The following CFAP47 variants were observed in gnomAD, a reference collection of about 807,000 sequenced individuals.
The protein encoded by CFAP47 is cilia and flagella associated protein 47.
A neutral mutation model predicts 148.1 loss-of-function variants in CFAP47; 29 were observed. The ratio of observed to expected loss-of-function variants is 0.20; its 90% CI spans 0.15 to 0.27. The LOEUF (loss-of-function observed/expected upper bound fraction) is 0.27. Among genes scored for constraint, CFAP47 ranks in the 10% least tolerant of loss-of-function variants. The probability of loss-of-function intolerance (pLI) is 1.00; values close to 1 mark genes in which losing one functional copy is unlikely to be tolerated. For synonymous variants in CFAP47, 664 were observed against 577.3 expected, an observed-to-expected ratio of 1.15 and a Z score of -2.15; for missense variants, 1,872 against 1,697.5, an observed-to-expected ratio of 1.10 and a Z score of -1.81.
intron 3 of CFAP47, 140 bp downstream of exon 3, chrX:35,941,538 T>C: frequency 2.8e-6 from 1 of 351,605 alleles, no homozygotes; most frequent in Non-Finnish European, 4.9e-6. Context: ...AGGTCCTTAA[T>C]AGTATTACTG....
At chrX:36,186,004 G>T (rs183264883) in intron 40 of CFAP47, among the ~76,000 whole-genome samples, 2 of 111,272 alleles carry the variant, frequency 1.8e-5, no homozygotes, top group African/African-American at 3.3e-5. Context: ...GCAGTCCATG[G>T]CACAAAGGAA....
chrX:36,303,290 G>A (rs1408538493), intron 53 of CFAP47, among the ~76,000 whole-genome samples: 1 of 111,556 alleles, frequency 9.0e-6, no homozygotes, highest in Non-Finnish European at 1.9e-5. Context: ...GGGCTAGAGC[G>A]ATCCTCCTGC....
chrX:35,930,326 A>T (rs1275800070), intron 2 of CFAP47, among the ~76,000 whole-genome samples: 1 of 110,946 alleles, frequency 9.0e-6, no homozygotes, highest in Non-Finnish European at 1.9e-5. Flanking sequence ...ATATCCTGGA[A>T]TTTGATTTGC....
At chrX:36,274,176 T>C (rs183249994) in intron 49 of CFAP47, among the ~76,000 whole-genome samples, 31 of 112,000 alleles carry the variant, frequency 2.8e-4, no homozygotes, top group African/African-American at 1.0e-3. Flanking sequence ...TAAGGGATAA[T>C]AAAACATAAT....
At chrX:35,930,026 A>C (rs865980470) in intron 2 of CFAP47, among the ~76,000 whole-genome samples, 6 of 110,981 alleles carry the variant, frequency 5.4e-5, no homozygotes, top group African/African-American at 6.6e-5. Context: ...AACAAACAAA[A>C]AAAAACAGTG....
rs1201341281 is a variant in CFAP47 at position 35,951,864 on chromosome X, T to C, written c.947T>C (p.Ile316Thr). ...ALNNLTYIRKIKNIDTTIIIS... is the reference protein window; with the variant it reads ...ALNNLTYIRKTKNIDTTIIIS... The stretch of plus-strand genomic sequence containing the variant: ...AATAATCTCACCTACATAAGAAAAA[T>C]AAAGAACATAGATACTACTATCATT... Residue 316 changes from isoleucine (I) to threonine (T), a missense_variant, in exon 6 of 64, where the codon ATA becomes ACA. Coordinates refer to ENST00000378653, the MANE Select transcript of CFAP47 (RefSeq NM_001304548.2). 8.6e-7 allele frequency: 1 copy of C among 1,168,505 alleles called. No homozygotes were observed. The highest frequency in any genetic ancestry group is 3.2e-5 in the East Asian group (1 of 31,532).
intron 49 of CFAP47, among the ~76,000 whole-genome samples, chrX:36,271,908 A>T (rs782365384): frequency 7.1e-4 from 80 of 112,021 alleles, no homozygotes; most frequent in African/African-American, 2.5e-3. Context: ...AATGTACAAG[A>T]TTATGTTGAA....
In CFAP47 at chrX:36,006,110, C is replaced by A. The variant is rs192234732; in HGVS notation, c.3417+4403C>A. On this transcript the variant is annotated intron_variant, in intron 21 of 63. Transcript: ENST00000378653. ...ATCATTGAAAATTAGAAAAATCTATCATGCAATTTAAGTATCTTACATGAC... is the reference window on the plus strand; with the variant it reads ...ATCATTGAAAATTAGAAAAATCTATAATGCAATTTAAGTATCTTACATGAC... Among the ~76,000 whole-genome samples, 602 of 110,445 alleles carry A rather than the reference C, an allele frequency of 5.5e-3. 6 individuals are homozygous for A. Among genetic ancestry groups the A allele is most frequent in the African/African-American group, 0.019 (580 of 30,552 alleles).
intron 49 of CFAP47, among the ~76,000 whole-genome samples, chrX:36,266,319 G>T (rs1239952044): frequency 9.0e-6 from 1 of 110,763 alleles, no homozygotes; most frequent in Non-Finnish European, 1.9e-5. Context: ...GGGTGGCAGG[G>T]GTGCCACAGG....
intron 40 of CFAP47, among the ~76,000 whole-genome samples, chrX:36,183,513 A>G (rs1452431235): frequency 7.2e-5 from 8 of 111,749 alleles, no homozygotes. Flanking sequence ...CACATCAGCT[A>G]ATATCTCTCC....
intron 2 of CFAP47, among the ~76,000 whole-genome samples, chrX:35,928,419 C>A (rs1820027906): frequency 8.9e-6 from 1 of 111,758 alleles, no homozygotes; most frequent in African/African-American, 3.2e-5. Context: ...ATGTTGACAA[C>A]ATATTTTCAG....
At chrX:36,361,921 C>T (rs7877183) in intron 61 of CFAP47, among the ~76,000 whole-genome samples, 13,406 of 111,780 alleles carry the variant, frequency 0.12, 1,153 homozygotes, top group African/African-American at 0.3. Context: ...TTTTACTACT[C>T]AATACATAAC....
At chrX:35,964,450 T>C (rs2146656965) in intron 8 of CFAP47, among the ~76,000 whole-genome samples, 1 of 111,517 alleles carries the variant, frequency 9.0e-6, no homozygotes, top group East Asian at 2.8e-4. Context: ...TCTATTTGAT[T>C]TACCCTGCTT....
intron 48 of CFAP47, among the ~76,000 whole-genome samples, chrX:36,237,227 C>T (rs1211619928): frequency 8.9e-6 from 1 of 112,437 alleles, no homozygotes; most frequent in African/African-American, 3.2e-5. Flanking sequence ...AACAAAATTT[C>T]AGAAGTGTAG....
At chrX:36,046,533 T>C (rs1192880376) in intron 25 of CFAP47, among the ~76,000 whole-genome samples, 1 of 111,223 alleles carries the variant, frequency 9.0e-6, no homozygotes, top group Non-Finnish European at 1.9e-5. Context: ...TAAATTTTCA[T>C]CAGAATACAT....
Position 36,201,406 on chromosome X carries a change from C to G in CFAP47, c.6569C>G (p.Ser2190Trp). ...ALAFAAQQQM[S>W]SIEYERRLIT... ...GCTTTTGCAGCACAGCAACAGATGT[C>G]GAGTATTGAGTATGAGCGAAGGTTG... Residue 2190 changes from serine to tryptophan, a missense_variant, in exon 44 of 64, where the codon TCG becomes TGG. By Grantham distance (177) the Ser-to-Trp change is radical. Transcript: ENST00000378653. 3.4e-6 allele frequency: 1 copy of G among 296,782 alleles called. No homozygotes were observed. Among genetic ancestry groups the G allele is most frequent in the South Asian group, 2.0e-4 (1 of 4,971 alleles). 24.5% of individuals were successfully genotyped at this position (296,782 alleles called of 1,213,427 possible). A position where few individuals can be genotyped will look rare whatever the true frequency, so the allele number is the denominator to read the frequency against.
At chrX:36,292,118 C>T (rs187757378) in intron 51 of CFAP47, among the ~76,000 whole-genome samples, 88 of 111,162 alleles carry the variant, frequency 7.9e-4, no homozygotes, top group Non-Finnish European at 1.2e-3. Context: ...ACATACATGT[C>T]CCCCAGTCTG....
At position 35,975,857 on chromosome X, in the gene CFAP47, A is replaced by G. The variant is rs1936563192; in HGVS notation, c.2657A>G (p.Gln886Arg). 1 of 1,207,283 alleles carries G rather than the reference A, an allele frequency of 8.3e-7. No homozygotes were observed. Among genetic ancestry groups the G allele is most frequent in the African/African-American group, 1.8e-5 (1 of 57,138 alleles). ...YNRQNCCAQFQWQPVNTGRGI... is the reference protein window; with the variant it reads ...YNRQNCCAQFRWQPVNTGRGI... Reference sequence around the variant, plus strand: ...CGTCAGAATTGTTGTGCTCAGTTTCAATGGCAACCCGTAAACACAGGAAGA... The same window carrying G: ...CGTCAGAATTGTTGTGCTCAGTTTCGATGGCAACCCGTAAACACAGGAAGA... The change falls in exon 15 of 64, where the codon CAA becomes CGA. Residue 886 changes from glutamine to arginine, a missense_variant. Transcript: ENST00000378653.
At chrX:36,053,553 C>T (rs772274987) in intron 26 of CFAP47, among the ~76,000 whole-genome samples, 1 of 111,180 alleles carries the variant, frequency 9.0e-6, no homozygotes, top group East Asian at 2.9e-4. Context: ...CACATGAGAC[C>T]GCTCTGTGTT....
Sources: allele counts gnomAD v4.1 joint callset (sites outside exome capture counted in the v4.1 genomes callset), GRCh38; gene constraint gnomAD v4.1.1; transcripts MANE v1.5; gene names NCBI Gene and HGNC (gene_info 2026-07-23, HGNC 2026-07-21).